PCNX1: variants seen among roughly 807,000 people sequenced by gnomAD.
PCNX1 encodes the protein pecanex 1, also known as pecanex-like protein 1.
Under a neutral mutation model 242.2 loss-of-function variants are expected in PCNX1, and 78 were observed. That is an observed-to-expected ratio of 0.32 (90% CI 0.27 to 0.39). The LOEUF is 0.39. Ranked by LOEUF, PCNX1 falls within the 10% of genes least tolerant of loss-of-function variation. The pLI is 1.00. For synonymous variants in PCNX1, 1,024 were observed against 1,032.9 expected (o/e 0.99, Z 0.17); for missense variants, 2,581 against 2,856.5 (o/e 0.90, Z 2.20).
At chr14:70,916,154 A>G (rs1012509179) in intron 1 of PCNX1, among the ~76,000 whole-genome samples, 5 of 152,326 alleles carry the variant, frequency 3.3e-5, no homozygotes, top group South Asian at 4.2e-4. Flanking sequence ...GGTAAGTGGA[A>G]AAGTGAACTA....
At chr14:70,994,700 T>C (rs1186275002) in intron 7 of PCNX1, among the ~76,000 whole-genome samples, 2 of 151,804 alleles carry the variant, frequency 1.3e-5, no homozygotes, top group African/African-American at 2.4e-5. Context: ...TTGAACATCA[T>C]GTAGAGAATA....
chr14:70,930,775 T>C (rs1470161038), intron 1 of PCNX1, among the ~76,000 whole-genome samples: 3 of 151,900 alleles, frequency 2.0e-5, no homozygotes, highest in African/African-American at 4.8e-5. Flanking sequence ...TAGAATATTA[T>C]GTTTTTTTTT....
intron 5 of PCNX1, among the ~76,000 whole-genome samples, chr14:70,969,664 A>G (rs2058482005): frequency 6.6e-6 from 1 of 152,032 alleles, no homozygotes; most frequent in South Asian, 2.1e-4. Context: ...CTAACCCTAT[A>G]TCCCATTCCT....
intron 12 of PCNX1, among the ~76,000 whole-genome samples, chr14:71,021,137 AG>A (rs1460088492): frequency 5.3e-5 from 8 of 152,164 alleles, no homozygotes; most frequent in African/African-American, 1.9e-4. Context: ...TTTTGGTACC[AG>A]TACCATGCTG....
chr14:70,949,264 TGTATGCACACAC>T (rs759570345), intron 2 of PCNX1, among the ~76,000 whole-genome samples: 536 of 25,202 alleles, frequency 0.021, 3 homozygotes, highest in Non-Finnish European at 0.044. Context: ...CACACACACG[TGTATGCACACAC>T]GTGTATACAC....
intron 1 of PCNX1, among the ~76,000 whole-genome samples, chr14:70,924,435 A>C (rs903981380): frequency 2.6e-5 from 4 of 152,140 alleles, no homozygotes; most frequent in Admixed American, 6.5e-5. Context: ...CAGTGAGCCA[A>C]TACTGATACA....
intron 26 of PCNX1, among the ~76,000 whole-genome samples, chr14:71,066,504 T>A (rs1374765243): frequency 6.6e-6 from 1 of 152,228 alleles, no homozygotes; most frequent in Non-Finnish European, 1.5e-5. Context: ...TAAGGAGATT[T>A]TGGGCTGAGA....
chr14:71,043,654 G>A lies in PCNX1; in HGVS notation c.3868-1479G>A, dbSNP rs528173260. On this transcript the variant is annotated intron_variant, in intron 19 of 35. Coordinates refer to ENST00000304743, the MANE Select transcript of PCNX1 (RefSeq NM_014982.3). Reference sequence around the variant, plus strand: ...TTTTATTTTATTTGTTGAATTCTTCGGTTCCAGAATTTCTGTTTGGTTCCC... The same window carrying A: ...TTTTATTTTATTTGTTGAATTCTTCAGTTCCAGAATTTCTGTTTGGTTCCC... Among the ~76,000 whole-genome samples the A allele has an allele frequency of 7.5e-4, 114 of 151,920 alleles. 1 individual carries two copies. The highest frequency in any genetic ancestry group is 2.6e-3 in the African/African-American group (108 of 41,430).
intron 1 of PCNX1, among the ~76,000 whole-genome samples, chr14:70,912,022 T>G (rs1237386482): frequency 1.3e-5 from 2 of 152,010 alleles, no homozygotes; most frequent in Non-Finnish European, 2.9e-5. Flanking sequence ...CATCACGAGG[T>G]CAGGAGATCC....
chr14:70,961,670 A>G (rs1481717071), intron 2 of PCNX1, among the ~76,000 whole-genome samples: 1 of 152,164 alleles, frequency 6.6e-6, no homozygotes, highest in Non-Finnish European at 1.5e-5. Flanking sequence ...TTAGGTTTCC[A>G]GTTCTGTAAA....
At chr14:70,937,267 G>A (rs1359492673) in intron 1 of PCNX1, among the ~76,000 whole-genome samples, 1 of 152,124 alleles carries the variant, frequency 6.6e-6, no homozygotes. Flanking sequence ...ATGGTTTTAG[G>A]TCTAACATTT....
chr14:70,971,269 C>T lies in PCNX1; in HGVS notation c.604+2159C>T, dbSNP rs1257970154. ...ACGCCATTCTCCTGCCTCAGCCTCC[C>T]GAGTAGCTGGGACTACAGGCGCCCG... On this transcript the variant is annotated intron_variant, in intron 5 of 35. Transcript: ENST00000304743. 1.1e-4 allele frequency among the ~76,000 whole-genome samples: 6 copies of T among 52,708 alleles called. 2 individuals are homozygous for T. The highest frequency in any genetic ancestry group is 1.9e-3 in the South Asian group (2 of 1,074). The allele number at this position is 52,708 out of a possible 152,430, so 34.6% of individuals were successfully genotyped here.
chr14:70,985,917 T>G (rs1385205049), intron 6 of PCNX1, among the ~76,000 whole-genome samples: 1 of 152,084 alleles, frequency 6.6e-6, no homozygotes, highest in Non-Finnish European at 1.5e-5. Context: ...TTTTTTTTTT[T>G]GGTTCACTAT....
chr14:70,994,582 G>A (rs1050779012), intron 7 of PCNX1, among the ~76,000 whole-genome samples: 2 of 151,312 alleles, frequency 1.3e-5, no homozygotes. Context: ...AACTGAATAA[G>A]GCCATTCTAA....
At chr14:71,006,692 A>C (rs2059677794) in intron 8 of PCNX1, among the ~76,000 whole-genome samples, 1 of 152,244 alleles carries the variant, frequency 6.6e-6, no homozygotes, top group Non-Finnish European at 1.5e-5. Flanking sequence ...TATGCCAAGA[A>C]AACTTGTACA....
intron 30 of PCNX1, among the ~76,000 whole-genome samples, chr14:71,101,184 T>G (rs2062452937): frequency 6.6e-6 from 1 of 152,190 alleles, no homozygotes; most frequent in South Asian, 2.1e-4. Flanking sequence ...ATACAGAAAT[T>G]TGTCAGCCTC....
chr14:71,033,215 A>G (rs924083781), intron 16 of PCNX1, among the ~76,000 whole-genome samples: 11 of 152,240 alleles, frequency 7.2e-5, no homozygotes, highest in Non-Finnish European at 1.0e-4. Flanking sequence ...AAACATCTGT[A>G]GCTTTAGTAC....
At chr14:71,095,195 A>G (rs888525659) in intron 30 of PCNX1, among the ~76,000 whole-genome samples, 3 of 152,174 alleles carry the variant, frequency 2.0e-5, no homozygotes, top group Non-Finnish European at 4.4e-5. Flanking sequence ...TGAGGATTAC[A>G]TAGTTATTAG....
intron 8 of PCNX1, among the ~76,000 whole-genome samples, chr14:70,997,127 T>C (rs1286027780): frequency 1.3e-5 from 2 of 152,290 alleles, no homozygotes; most frequent in South Asian, 4.1e-4. Context: ...AGGAGGCTGC[T>C]TGAGGGAGAA....
Sources: gnomAD v4.1 joint callset for allele counts (sites outside exome capture counted in the v4.1 genomes callset) on GRCh38, gnomAD v4.1.1 for gene constraint, MANE v1.5 for transcripts, NCBI Gene and HGNC (gene_info 2026-07-23, HGNC 2026-07-21) for gene names.